DNAH11: variants seen among roughly 807,000 people sequenced by gnomAD.
The protein encoded by DNAH11 is axonemal beta dynein heavy chain 11.
DNAH11 carries 442 observed loss-of-function variants against 526.0 expected under a neutral mutation model. The ratio of observed to expected loss-of-function variants is 0.84; its 90% CI spans 0.78 to 0.91. The LOEUF is 0.91. Ranked by LOEUF, DNAH11 falls within the 40% of genes least tolerant of loss-of-function variation. The pLI, the probability that DNAH11 is intolerant of heterozygous loss-of-function variation, is 0.00. For synonymous variants in DNAH11, 2,461 were observed against 1,935.9 expected (o/e 1.27, Z -7.12); for missense variants, 6,989 against 5,448.7 (o/e 1.28, Z -8.90).
At chr7:21,733,629 A>G (rs1404386714) in intron 45 of DNAH11, among the ~76,000 whole-genome samples, 1 of 152,198 alleles carries the variant, frequency 6.6e-6, no homozygotes, top group Non-Finnish European at 1.5e-5. Context: ...CAGAGAACCT[A>G]TGAGGAGTTT....
At chr7:21,868,114 T>TG (rs1451388411) in intron 72 of DNAH11, 107 bp downstream of exon 72, 1 of 1,127,738 alleles carries the variant, frequency 8.9e-7, no homozygotes, top group East Asian at 2.8e-5. Flanking sequence ...CTTTTTTTTT[T>TG]TTTTTTAATT....
chr7:21,647,522 C>G (rs543114618), intron 28 of DNAH11, among the ~76,000 whole-genome samples: 1 of 151,534 alleles, frequency 6.6e-6, no homozygotes, highest in Non-Finnish European at 1.5e-5. Context: ...CTCCGCCTCC[C>G]AGGTTCACGC....
rs572053904 is a variant in DNAH11 at position 21,749,654 on chromosome 7, A to G, written c.8674-24A>G. The G allele has an allele frequency of 1.8e-5, 29 of 1,613,236 alleles. 1 individual carries two copies. In the African/African-American group the frequency reaches 3.5e-4, roughly 19 times the overall value. The stretch of plus-strand genomic sequence containing the variant: ...CGCCGCATCAGCATTTTAACAAAAC[A>G]TGAGTGATGGCCTTTCCTTACAGGT... On this transcript the variant is annotated intron_variant, in intron 52 of 81. Transcript: ENST00000409508.
intron 54 of DNAH11, among the ~76,000 whole-genome samples, chr7:21,756,025 A>G (rs1263808233): frequency 1.3e-5 from 2 of 152,080 alleles, no homozygotes; most frequent in Non-Finnish European, 2.9e-5. Context: ...TAATTCTGCT[A>G]ACTTTATGAT....
intron 6 of DNAH11, among the ~76,000 whole-genome samples, chr7:21,569,107 C>T (rs1209466825): frequency 2.6e-5 from 4 of 152,070 alleles, no homozygotes; most frequent in Non-Finnish European, 5.9e-5. Context: ...TGGCACAGAG[C>T]CTATATTGCA....
chr7:21,744,790 C>T (rs2128491672), intron 50 of DNAH11, 80 bp from the exon 51 acceptor site: 1 of 1,508,394 alleles, frequency 6.6e-7, no homozygotes, highest in Non-Finnish European at 8.9e-7. Flanking sequence ...GCAAGCTTTT[C>T]CCTTGCTAGG....
chr7:21,773,553 A>T (rs1173895865), intron 55 of DNAH11, among the ~76,000 whole-genome samples: 1 of 152,142 alleles, frequency 6.6e-6, no homozygotes, highest in East Asian at 1.9e-4. Flanking sequence ...CCTTTGTCCT[A>T]CTTGGCAAGA....
intron 79 of DNAH11, 85 bp downstream of exon 79, chr7:21,895,084 T>C (rs1266331544): frequency 1.8e-6 from 2 of 1,118,046 alleles, no homozygotes; most frequent in Non-Finnish European, 1.3e-6. Context: ...CTAAGAACTA[T>C]GCAGACGGAG....
intron 45 of DNAH11, among the ~76,000 whole-genome samples, chr7:21,726,964 C>T (rs573658253): frequency 5.2e-3 from 134 of 25,542 alleles, no homozygotes; most frequent in East Asian, 0.015. Context: ...GATGGAGTCT[C>T]GCTCTGTCGC....
At chr7:21,773,685 AT>A (rs554808922) in intron 55 of DNAH11, 80 bp from the exon 56 acceptor site, 146 of 1,038,784 alleles carry the variant, frequency 1.4e-4, no homozygotes, top group African/African-American at 5.3e-4. Context: ...TAGAAAAAAA[AT>A]GATCATTTAC....
At chr7:21,611,865 A>C (rs2128450998) in intron 20 of DNAH11, among the ~76,000 whole-genome samples, 1 of 152,346 alleles carries the variant, frequency 6.6e-6, no homozygotes, top group Admixed American at 6.5e-5. Flanking sequence ...TTACTAACAT[A>C]ACTCTAGTTA....
Position 21,620,055 on chromosome 7 carries a change from T to C in DNAH11, c.4477T>C (p.Phe1493Leu), listed in dbSNP as rs1046915773. 73 of 1,600,532 alleles carry C rather than the reference T, an allele frequency of 4.6e-5. No individual in the cohort carries two copies. The highest frequency in any genetic ancestry group is 6.0e-5 in the Non-Finnish European group (70 of 1,175,838). The stretch of plus-strand genomic sequence containing the variant: ...ATTACTAAAGTCTGATGAACAACTT[T>C]TTGAAACTCTAGAGCACAACCAAGT... The part of the protein sequence containing the change: ...IPLLKSDEQL[F>L]ETLEHNQVQL... Residue 1493 changes from phenylalanine (F) to leucine (L), a missense_variant, in exon 25 of 82, where the codon TTT becomes CTT. Phe to Leu is a conservative substitution (Grantham distance 22). Transcript: ENST00000409508.
intron 80 of DNAH11, 49 bp from the exon 81 acceptor site, chr7:21,899,931 C>CTTACATGCAACACTTTT (rs1291933803): frequency 6.3e-7 from 1 of 1,599,324 alleles, no homozygotes; most frequent in East Asian, 2.2e-5. Context: ...TCCCGGGAAC[C>CTTACATGCAACACTTTT]TTACATGCAA....
intron 63 of DNAH11, among the ~76,000 whole-genome samples, chr7:21,809,933 G>T (rs145249625): frequency 0.012 from 1,772 of 152,152 alleles, 40 homozygotes; most frequent in African/African-American, 0.041. Flanking sequence ...GTTTCAACAA[G>T]AACATAAAAA....
At chr7:21,637,739 T>G in intron 27 of DNAH11, 37 bp downstream of exon 27, 1 of 1,316,426 alleles carries the variant, frequency 7.6e-7, no homozygotes, top group Non-Finnish European at 1.0e-6. Context: ...CAATTTACTG[T>G]AATTTTATGA....
intron 8 of DNAH11, 91 bp from the exon 9 acceptor site, chr7:21,581,814 A>G (rs1345485101): frequency 1.3e-6 from 1 of 762,168 alleles, no homozygotes; most frequent in Non-Finnish European, 2.3e-6. Context: ...AGCGAGCGAG[A>G]GAGAGCTAAA....
chr7:21,769,964 G>A (rs995442046), intron 55 of DNAH11, among the ~76,000 whole-genome samples: 7 of 152,068 alleles, frequency 4.6e-5, no homozygotes, highest in Non-Finnish European at 1.0e-4. Context: ...TTAAAGGCAA[G>A]ATACAAAAAG....
intron 9 of DNAH11, among the ~76,000 whole-genome samples, chr7:21,582,447 A>G (rs1490415941): frequency 2.6e-5 from 4 of 152,204 alleles, no homozygotes; most frequent in Admixed American, 6.5e-5. Context: ...TACTGTATTT[A>G]CCCAGGCATA....
At position 21,636,080 on chromosome 7, in the gene DNAH11, G is replaced by A; in HGVS notation, c.4710G>A (p.Val1570=). ...AAGATGCTAGAAGATTTGATGGGGTGGATGCTGAATTTAAGGTTTGTCAAA... is the reference window on the plus strand; with the variant it reads ...AAGATGCTAGAAGATTTGATGGGGTAGATGCTGAATTTAAGGTTTGTCAAA... ...LVKDARRFDG[V]DAEFKELMFK... Residue 1570 remains valine (V), a synonymous_variant, in exon 26 of 82, where the codon GTG becomes GTA. Coordinates refer to ENST00000409508, the MANE Select transcript of DNAH11 (RefSeq NM_001277115.2). The A allele has an allele frequency of 6.2e-7, 1 of 1,610,472 alleles. No homozygotes were observed.
Sources: gnomAD v4.1 joint callset for allele counts (sites outside exome capture counted in the v4.1 genomes callset) on GRCh38, gnomAD v4.1.1 for gene constraint, MANE v1.5 for transcripts, NCBI Gene and HGNC (gene_info 2026-07-23, HGNC 2026-07-21) for gene names.